PRUNE1: variants seen among roughly 807,000 people sequenced by gnomAD.
PRUNE1 encodes exopolyphosphatase PRUNE1.
Under a neutral mutation model 42.5 loss-of-function variants are expected in PRUNE1, and 25 were observed. That is an observed-to-expected ratio of 0.59 (90% CI 0.43 to 0.82). PRUNE1 has a LOEUF of 0.82. Among genes scored for constraint, PRUNE1 ranks in the 40% least tolerant of loss-of-function variants. PRUNE1 has a pLI of 0.00. For missense variants in PRUNE1, 443 were observed against 539.3 expected, an observed-to-expected ratio of 0.82 and a Z score of 1.77; for synonymous variants, 203 against 217.1, an observed-to-expected ratio of 0.93 and a Z score of 0.57.
Position 151,018,680 on chromosome 1 carries a change from G to A in PRUNE1, c.335+11G>A. 6.2e-7 allele frequency: 1 copy of A among 1,610,270 alleles called. No homozygotes were observed. Among genetic ancestry groups the A allele is most frequent in the African/African-American group, 1.3e-5 (1 of 74,944 alleles). ...TCATATCTTATCCAAGTAAGCACAA[G>A]GAAATTAAATTGCTACCTATCATGT... On this transcript the variant is annotated intron_variant, in intron 3 of 7. Coordinates refer to ENST00000271620, the MANE Select transcript of PRUNE1 (RefSeq NM_021222.3).
chr1:151,018,987 G>A (rs1033504855), intron 3 of PRUNE1, among the ~76,000 whole-genome samples: 1 of 152,220 alleles, frequency 6.6e-6, no homozygotes, highest in African/African-American at 2.4e-5. Flanking sequence ...TGGTTGCAGT[G>A]AGCCGAGATC....
Position 151,011,484 on chromosome 1 carries a change from G to C in PRUNE1, c.39+2813G>C, listed in dbSNP as rs140001924. On this transcript the variant is annotated intron_variant, in intron 1 of 7. Coordinates refer to ENST00000271620, the MANE Select transcript of PRUNE1 (RefSeq NM_021222.3). ...GTGTGCAGTTCTCAGGCATGAGGCAGGAATCAGGAGCTGGCTCTCCTTAGA... is the reference window on the plus strand; with the variant it reads ...GTGTGCAGTTCTCAGGCATGAGGCACGAATCAGGAGCTGGCTCTCCTTAGA... Among the ~76,000 whole-genome samples the C allele has an allele frequency of 2.8e-4, 42 of 152,306 alleles. No individual in the cohort carries two copies. The East Asian group carries it at 8.1e-3, about 29-fold the overall frequency.
At chr1:151,009,711 A>G (rs1673628408) in intron 1 of PRUNE1, among the ~76,000 whole-genome samples, 1 of 152,258 alleles carries the variant, frequency 6.6e-6, no homozygotes, top group Admixed American at 6.5e-5. Flanking sequence ...CAGCTGCTGG[A>G]ATAAATGAAT....
At chr1:151,019,283 G>A (rs1196356070) in intron 3 of PRUNE1, among the ~76,000 whole-genome samples, 1 of 151,720 alleles carries the variant, frequency 6.6e-6, no homozygotes, top group Non-Finnish European at 1.5e-5. Context: ...TGTGCCGGGT[G>A]TGATGGCTCA....
At chr1:151,013,045 G>A (rs1282870621) in intron 1 of PRUNE1, among the ~76,000 whole-genome samples, 1 of 152,166 alleles carries the variant, frequency 6.6e-6, no homozygotes, top group African/African-American at 2.4e-5. Flanking sequence ...TCATAGGTGT[G>A]AGCCACCGCG....
intron 1 of PRUNE1, among the ~76,000 whole-genome samples, chr1:151,014,328 C>T (rs1673966219): frequency 6.6e-6 from 1 of 152,154 alleles, no homozygotes; most frequent in Admixed American, 6.5e-5. Context: ...TGGGGAGGAC[C>T]TCAGGGCAAA....
chr1:151,033,795 C>T lies in PRUNE1; in HGVS notation c.934-11C>T, dbSNP rs1170402040. ...TTGTGTATCATTTCCCTGTTATTGT[C>T]TCCTCTTTAGATCTGTGAAGTCCTG... is the stretch of plus-strand genomic sequence containing the variant. On this transcript the variant is annotated splice_polypyrimidine_tract_variant and intron_variant, in intron 7 of 7. Coordinates refer to ENST00000271620, the MANE Select transcript of PRUNE1 (RefSeq NM_021222.3). The T allele has an allele frequency of 6.2e-7, 1 of 1,606,354 alleles. No individual in the cohort carries two copies. The highest frequency in any genetic ancestry group is 1.1e-5 in the South Asian group (1 of 90,864).
rs897018142 is a variant in PRUNE1 at position 151,018,031 on chromosome 1, T to C, written c.132+127T>C. On this transcript the variant is annotated intron_variant, in intron 2 of 7. Coordinates refer to ENST00000271620, the MANE Select transcript of PRUNE1 (RefSeq NM_021222.3). ...AATTAAATCCCTTAACTTTGCTGAG[T>C]CTCATGCCACCATCCATAAAAACTA... The C allele has an allele frequency of 9.0e-6, 6 of 665,606 alleles. No homozygotes were observed. In the African/African-American group the frequency reaches 1.1e-4, roughly 12 times the overall value. The allele number at this position is 665,606 out of a possible 1,614,324, so 41.2% of individuals were successfully genotyped here. A position where few individuals can be genotyped will look rare whatever the true frequency, so the allele number is the denominator to read the frequency against.
intron 7 of PRUNE1, among the ~76,000 whole-genome samples, 199 bp downstream of exon 7, chr1:151,029,143 T>A (rs1675069725): frequency 6.6e-6 from 1 of 151,830 alleles, no homozygotes; most frequent in Admixed American, 6.6e-5. Context: ...AATATCCTTT[T>A]TTTTTTTTTA....
At chr1:151,024,022 A>T (rs896568711) in intron 3 of PRUNE1, among the ~76,000 whole-genome samples, 4 of 151,906 alleles carry the variant, frequency 2.6e-5, no homozygotes, top group Admixed American at 2.6e-4. Flanking sequence ...CTTTACTAAA[A>T]ATACAAAAAA....
chr1:151,021,766 G>A (rs1223785757), intron 3 of PRUNE1, among the ~76,000 whole-genome samples: 1 of 147,360 alleles, frequency 6.8e-6, no homozygotes, highest in Non-Finnish European at 1.5e-5. Flanking sequence ...TGCCTAGGTT[G>A]GAGTGCAATA....
chr1:151,026,435 G>A (rs1408866447), intron 5 of PRUNE1, among the ~76,000 whole-genome samples: 6 of 151,716 alleles, frequency 4.0e-5, no homozygotes, highest in Non-Finnish European at 8.8e-5. Context: ...TCCAGCTTGG[G>A]CAACGACAGC....
At chr1:151,022,892 G>A (rs1674566458) in intron 3 of PRUNE1, 1 of 152,206 alleles carries the variant, frequency 6.6e-6, no homozygotes, top group Non-Finnish European at 1.5e-5. Flanking sequence ...TTTGCTTGGT[G>A]AATTGGGAGG....
At chr1:151,019,994 G>A (rs1003129298) in intron 3 of PRUNE1, among the ~76,000 whole-genome samples, 9 of 150,500 alleles carry the variant, frequency 6.0e-5, no homozygotes, top group Admixed American at 2.7e-4. Flanking sequence ...ACCATGCCCA[G>A]CTAATTTTTA....
chr1:151,024,555 G>A, intron 3 of PRUNE1, 56 bp from the exon 4 acceptor site: 5 of 1,502,412 alleles, frequency 3.3e-6, no homozygotes, highest in Non-Finnish European at 4.6e-6. Flanking sequence ...GCTAGAAGCA[G>A]CTGGAGTGTC....
chr1:151,013,728 C>T (rs930210800), intron 1 of PRUNE1, among the ~76,000 whole-genome samples: 3 of 152,196 alleles, frequency 2.0e-5, no homozygotes, highest in Non-Finnish European at 4.4e-5. Context: ...CACTCGCTCC[C>T]CCTAACTGCT....
At chr1:151,029,543 A>AT (rs1447372319) in intron 7 of PRUNE1, among the ~76,000 whole-genome samples, 1 of 151,154 alleles carries the variant, frequency 6.6e-6, no homozygotes, top group Non-Finnish European at 1.5e-5. Context: ...AATTTTTTGT[A>AT]TTTTTAGTAG....
At chr1:151,012,092 A>C (rs893735509) in intron 1 of PRUNE1, among the ~76,000 whole-genome samples, 1 of 151,620 alleles carries the variant, frequency 6.6e-6, no homozygotes, top group African/African-American at 2.4e-5. Flanking sequence ...GTGGGTCTTT[A>C]AAAAAAAGAA....
intron 7 of PRUNE1, among the ~76,000 whole-genome samples, chr1:151,031,192 TG>T (rs772958974): frequency 0.04 from 4,249 of 107,538 alleles, 149 homozygotes; most frequent in South Asian, 0.091. Context: ...TGTGTGTGTG[TG>T]TTTTTTTTTT....
Sources: allele counts gnomAD v4.1 joint callset (sites outside exome capture counted in the v4.1 genomes callset), GRCh38; gene constraint gnomAD v4.1.1; transcripts MANE v1.5; gene names NCBI Gene and HGNC (gene_info 2026-07-23, HGNC 2026-07-21).